ZCCHC4: variants seen among roughly 807,000 people sequenced by gnomAD.
The protein encoded by ZCCHC4 is rRNA N(6)-adenosine-methyltransferase ZCCHC4.
A neutral mutation model predicts 67.7 loss-of-function variants in ZCCHC4; 54 were observed. That is an observed-to-expected ratio of 0.80 (90% confidence interval 0.64 to 1.00). The LOEUF is 1.00. ZCCHC4 is among the 50% of genes least tolerant of loss of function. The pLI, the probability that ZCCHC4 is intolerant of heterozygous loss-of-function variation, is 0.00. For synonymous variants in ZCCHC4, 198 were observed against 213.5 expected (o/e 0.93, Z 0.63); for missense variants, 609 against 617.0 (o/e 0.99, Z 0.14).
chr4:25,357,362 G>A (rs539483853), intron 8 of ZCCHC4, among the ~76,000 whole-genome samples: 3 of 152,342 alleles, frequency 2.0e-5, no homozygotes, highest in East Asian at 3.9e-4. Context: ...GATCTAACCT[G>A]AAAGTTTCCT....
intron 2 of ZCCHC4, 22 bp from the exon 3 acceptor site, chr4:25,315,296 T>C: frequency 1.9e-6 from 3 of 1,591,080 alleles, no homozygotes; most frequent in Non-Finnish European, 2.6e-6. Context: ...GTTTATTCAA[T>C]GGGTTTTGTA....
intron 5 of ZCCHC4, among the ~76,000 whole-genome samples, chr4:25,339,862 ATC>A (rs1719640374): frequency 6.6e-6 from 1 of 150,940 alleles, no homozygotes; most frequent in South Asian, 2.1e-4. Context: ...TAGGTCTTTA[ATC>A]TATTTTGAGA....
intron 3 of ZCCHC4, among the ~76,000 whole-genome samples, chr4:25,321,473 A>T (rs902596848): frequency 6.6e-6 from 1 of 152,132 alleles, no homozygotes; most frequent in Non-Finnish European, 1.5e-5. Flanking sequence ...CTGGGGTTCA[A>T]GCGACTCTCC....
intron 5 of ZCCHC4, among the ~76,000 whole-genome samples, chr4:25,339,296 C>A: frequency 6.6e-6 from 1 of 152,254 alleles, no homozygotes; most frequent in South Asian, 2.1e-4. Context: ...ACAGTTCAGC[C>A]CTTATACCTA....
chr4:25,313,006 T>C, intron 1 of ZCCHC4, 70 bp downstream of exon 1: 1 of 1,573,296 alleles, frequency 6.4e-7, no homozygotes, highest in South Asian at 1.1e-5. Context: ...AAGTGGCTTT[T>C]GGGGCTCCTG....
At chr4:25,336,741 C>T (rs1168586840) in intron 5 of ZCCHC4, among the ~76,000 whole-genome samples, 1 of 152,216 alleles carries the variant, frequency 6.6e-6, no homozygotes, top group Admixed American at 6.5e-5. Context: ...CTTCCCTCGG[C>T]CTCCCAAATT....
In ZCCHC4 at chr4:25,359,182, G is replaced by A. The variant is rs1260540146; in HGVS notation, c.1012-2677G>A. 6.6e-6 allele frequency among the ~76,000 whole-genome samples: 1 copy of A among 152,214 alleles called. No individual in the cohort carries two copies. Among genetic ancestry groups the A allele is most frequent in the Non-Finnish European group, 1.5e-5 (1 of 68,034 alleles). Reference sequence around the variant, plus strand: ...TGGGTCCCCCGCAAGCATGGAGAAGGTACTGAAGCAGCTAGAAATGCAGAG... The same window carrying A: ...TGGGTCCCCCGCAAGCATGGAGAAGATACTGAAGCAGCTAGAAATGCAGAG... On this transcript the variant is annotated intron_variant, in intron 8 of 12. Coordinates refer to ENST00000302874, the MANE Select transcript of ZCCHC4 (RefSeq NM_024936.3). The surrounding 1 kb of genome is among the most constrained non-coding windows in gnomAD (Gnocchi z 4.9).
chr4:25,339,102 A>T (rs1276105513), intron 5 of ZCCHC4, among the ~76,000 whole-genome samples: 1 of 152,156 alleles, frequency 6.6e-6, no homozygotes, highest in African/African-American at 2.4e-5. Flanking sequence ...TTGTGTGCGT[A>T]TCCCTGGCGT....
chr4:25,333,151 T>A (rs1354594217), intron 3 of ZCCHC4, 32 bp from the exon 4 acceptor site: 1 of 1,590,006 alleles, frequency 6.3e-7, no homozygotes, highest in South Asian at 1.1e-5. Flanking sequence ...AAACTTAAAA[T>A]ATATTTCTTT....
chr4:25,356,663 A>G (rs1055532351), intron 8 of ZCCHC4, among the ~76,000 whole-genome samples: 2 of 151,946 alleles, frequency 1.3e-5, no homozygotes, highest in South Asian at 2.1e-4. Context: ...AAAGCTTCAT[A>G]TGAATCTCTT....
At chr4:25,368,942 T>C in intron 12 of ZCCHC4, 87 bp from the exon 13 acceptor site, 1 of 1,426,660 alleles carries the variant, frequency 7.0e-7, no homozygotes, top group Non-Finnish European at 9.4e-7. Flanking sequence ...TATTTTCTTA[T>C]TTGGTTAGCT....
intron 10 of ZCCHC4, among the ~76,000 whole-genome samples, chr4:25,364,213 T>C (rs983178012): frequency 6.6e-6 from 1 of 152,150 alleles, no homozygotes; most frequent in African/African-American, 2.4e-5. Context: ...TTCAAGATCA[T>C]TTAGATAAAT....
chr4:25,326,087 C>T (rs1444915876), intron 3 of ZCCHC4, among the ~76,000 whole-genome samples: 1 of 152,238 alleles, frequency 6.6e-6, no homozygotes, highest in African/African-American at 2.4e-5. Flanking sequence ...GGAGGCCCAA[C>T]ATCCAAAATC....
At chr4:25,314,235 C>A in intron 2 of ZCCHC4, 71 bp downstream of exon 2, 3 of 966,896 alleles carry the variant, frequency 3.1e-6, no homozygotes, top group African/African-American at 1.6e-5. Flanking sequence ...AACGTGTAAA[C>A]CAATAAAAAT....
At chr4:25,366,056 A>T (rs1280593856) in intron 12 of ZCCHC4, 4 of 976,016 alleles carry the variant, frequency 4.1e-6, no homozygotes, top group African/African-American at 1.8e-5. Context: ...CTTGTAATTT[A>T]AAAAAATTGA....
At chr4:25,331,354 G>A (rs1437800456) in intron 3 of ZCCHC4, among the ~76,000 whole-genome samples, 3 of 152,154 alleles carry the variant, frequency 2.0e-5, no homozygotes, top group Admixed American at 6.5e-5. Context: ...GCCTAGGCTG[G>A]AGTGTGGTGG....
chr4:25,336,475 T>C (rs780266989), intron 5 of ZCCHC4, among the ~76,000 whole-genome samples: 6 of 152,142 alleles, frequency 3.9e-5, no homozygotes, highest in Non-Finnish European at 8.8e-5. Context: ...TAATGTATTA[T>C]TAATAGGGGA....
Position 25,351,571 on chromosome 4 carries a change from C to A in ZCCHC4, c.911-18C>A. The A allele has an allele frequency of 6.5e-7, 1 of 1,532,880 alleles. No individual in the cohort carries two copies. The highest frequency in any genetic ancestry group is 8.9e-7 in the Non-Finnish European group (1 of 1,125,040). The allele number at this position is 1,532,880 out of a possible 1,614,324, so 95.0% of individuals were successfully genotyped here. ...TTCTTTAATTTACTATTATTTTTTC[C>A]TTTTTGTGATCCATTAGATGACAGT... On this transcript the variant is annotated intron_variant, in intron 7 of 12. Transcript: ENST00000302874.
Position 25,333,321 on chromosome 4 carries a change from G to T in ZCCHC4, c.468G>T (p.Arg156Ser), listed in dbSNP as rs757996335. The T allele has an allele frequency of 6.2e-7, 1 of 1,614,082 alleles. No individual in the cohort carries two copies. The highest frequency in any genetic ancestry group is 2.2e-5 in the East Asian group (1 of 44,862). The change falls in exon 4 of 13, where the codon AGG becomes AGT. Residue 156 changes from arginine to serine, a missense_variant. Coordinates refer to ENST00000302874, the MANE Select transcript of ZCCHC4 (RefSeq NM_024936.3). ...ATGTGTCCATTACCCAGTTAAGAAG[G>T]CCCAGTCAACTCCTTTATCCACTGG... ...LGNVSITQLR[R>S]PSQLLYPLEN...
Sources: gnomAD v4.1 joint callset for allele counts (sites outside exome capture counted in the v4.1 genomes callset) on GRCh38, gnomAD v4.1.1 for gene constraint, Gnocchi (gnomAD v3.1) non-coding constraint, MANE v1.5 for transcripts, NCBI Gene and HGNC (gene_info 2026-07-23, HGNC 2026-07-21) for gene names.